Variants in FAM228B observed in about 807,000 individuals in gnomAD.
The protein encoded by FAM228B is protein FAM228B.
In FAM228B, 38 loss-of-function variants were observed where a neutral mutation model predicts 42.6. The observed-to-expected ratio is 0.89, with a 90% CI of 0.69 to 1.17. The LOEUF (loss-of-function observed/expected upper bound fraction) is 1.17. Ranked by LOEUF, FAM228B falls within the 50% of genes most tolerant of loss-of-function variation. FAM228B has a pLI of 0.00. For missense variants in FAM228B, 344 were observed against 367.3 expected (o/e 0.94, Z 0.52); for synonymous variants, 109 against 122.3 (o/e 0.89, Z 0.72).
chr2:24,079,667 C>G (rs775235699), intron 1 of FAM228B: 1 of 1,607,228 alleles, frequency 6.2e-7, no homozygotes, highest in Admixed American at 1.7e-5. Context: ...ATTTGTGATG[C>G]TAGTCAGCTT....
intron 9 of FAM228B, among the ~76,000 whole-genome samples, chr2:24,165,007 A>T (rs946114778): frequency 6.6e-6 from 1 of 152,272 alleles, no homozygotes; most frequent in East Asian, 1.9e-4. Flanking sequence ...CTTCAGACTG[A>T]AATTATTAGA....
At chr2:24,144,948 A>C (rs996131813) in intron 5 of FAM228B, among the ~76,000 whole-genome samples, 2 of 152,016 alleles carry the variant, frequency 1.3e-5, no homozygotes, top group Non-Finnish European at 2.9e-5. Flanking sequence ...ACAGCTGGCA[A>C]CCTCCTGCAC....
chr2:24,124,199 T>G (rs757065447), intron 1 of FAM228B, 131 bp from the exon 2 acceptor site: 2 of 557,330 alleles, frequency 3.6e-6, no homozygotes, highest in Admixed American at 3.4e-5. Flanking sequence ...AGTGAAGGCC[T>G]CTTGTTAGGG....
intron 2 of FAM228B, among the ~76,000 whole-genome samples, chr2:24,126,225 C>T (rs1666306196): frequency 6.6e-6 from 1 of 152,122 alleles, no homozygotes; most frequent in African/African-American, 2.4e-5. Context: ...ATGAATTTAA[C>T]TTTATGAAGC....
rs530991824 is a variant in FAM228B at position 24,077,748 on chromosome 2, A to G, written c.-290+779A>G. ...AATTTGCTCCGTGAAAGCATTCACC[A>G]GCATTTGCTTGTACTAAGACAAGGG... is the stretch of plus-strand genomic sequence containing the variant. On this transcript the variant is annotated intron_variant, in intron 1 of 10. Coordinates refer to the FAM228B transcript ENST00000613899. The surrounding 1 kb of genome is among the most constrained non-coding windows in gnomAD (Gnocchi z 5.5). 1.2e-6 allele frequency: 2 copies of G among 1,613,660 alleles called. No homozygotes were observed. Among genetic ancestry groups the G allele is most frequent in the Non-Finnish European group, 1.7e-6 (2 of 1,179,794 alleles).
intron 7 of FAM228B, among the ~76,000 whole-genome samples, chr2:24,158,441 C>T (rs1282014481): frequency 1.3e-5 from 2 of 151,992 alleles, no homozygotes; most frequent in African/African-American, 2.4e-5. Context: ...AGCTTGTAGC[C>T]ATTTTGCAAA....
At chr2:24,097,512 A>G (rs1290971329) in intron 3 of FAM228B, 10 of 151,986 alleles carry the variant, frequency 6.6e-5, no homozygotes, top group African/African-American at 2.4e-4. Context: ...ACAGACTTTA[A>G]ACCAACAAAG....
upstream of FAM228B, chr2:24,121,111 G>T (rs1666100846): frequency 5.0e-6 from 8 of 1,600,650 alleles, no homozygotes; most frequent in Non-Finnish European, 6.8e-6. Context: ...AAGGAAATTT[G>T]GAGGCAAATT....
chr2:24,129,505 CTG>C (rs764501530), intron 2 of FAM228B, among the ~76,000 whole-genome samples: 1 of 152,094 alleles, frequency 6.6e-6, no homozygotes, highest in East Asian at 1.9e-4. Context: ...CACTATGACT[CTG>C]TTTATTATTT....
intron 2 of FAM228B, chr2:24,082,784 G>A: frequency 7.0e-7 from 1 of 1,424,042 alleles, no homozygotes. Context: ...GGTGATACAG[G>A]AAGGCCTGGG....
At chr2:24,120,921 T>C (rs1271992203), upstream of FAM228B, among the ~76,000 whole-genome samples, 2 of 151,760 alleles carry the variant, frequency 1.3e-5, no homozygotes, top group Non-Finnish European at 2.9e-5. Flanking sequence ...GGTGGGACTG[T>C]ATTGGAAAGA....
rs765086159 is a variant in FAM228B at position 24,143,325 on chromosome 2, C to T, written c.442-3423C>T. 1.7e-3 allele frequency among the ~76,000 whole-genome samples: 245 copies of T among 147,526 alleles called. 1 individual carries two copies. The highest frequency in any genetic ancestry group is 6.0e-3 in the African/African-American group (223 of 37,302). ...CCTCCCGAGTAGCTGGGACTACAGG[C>T]GCCCGCCACCACGCCCGGCTAATTT... is the stretch of plus-strand genomic sequence containing the variant. On this transcript the variant is annotated intron_variant, in intron 5 of 10. Transcript: ENST00000615575.
chr2:24,140,019 AC>A (rs1350542161), intron 5 of FAM228B, among the ~76,000 whole-genome samples: 10 of 152,236 alleles, frequency 6.6e-5, no homozygotes, highest in African/African-American at 2.4e-4. Context: ...GAATTAATTA[AC>A]CTTGCACTGA....
Position 24,169,236 on chromosome 2 carries a change from G to A in FAM228B, c.*15-120G>A, listed in dbSNP as rs143458432. ...ACCCTGCCTGAGAGATGAGTCACTCGGCTCTGGCAGGACAGGCTTCAGGGG... is the reference window on the plus strand; with the variant it reads ...ACCCTGCCTGAGAGATGAGTCACTCAGCTCTGGCAGGACAGGCTTCAGGGG... On this transcript the variant is annotated intron_variant, in intron 10 of 10. Coordinates refer to ENST00000615575, the MANE Select transcript of FAM228B (RefSeq NM_001145710.2). The surrounding 1 kb of genome is among the most constrained non-coding windows in gnomAD (Gnocchi z 4.2). 9 of 339,350 alleles carry A rather than the reference G, an allele frequency of 2.7e-5. No individual in the cohort carries two copies. The highest frequency in any genetic ancestry group is 7.6e-5 in the East Asian group (1 of 13,080). The allele number at this position is 339,350 out of a possible 1,614,324, so 21.0% of individuals were successfully genotyped here.
intron 3 of FAM228B, among the ~76,000 whole-genome samples, chr2:24,107,348 C>T (rs1573740727): frequency 6.6e-6 from 1 of 152,302 alleles, no homozygotes; most frequent in Non-Finnish European, 1.5e-5. Flanking sequence ...CAACACCCCA[C>T]TGACAGTATT....
At chr2:24,079,614 A>G (rs778297071) in intron 1 of FAM228B, 3 of 1,614,164 alleles carry the variant, frequency 1.9e-6, no homozygotes, top group East Asian at 4.5e-5. Context: ...CCGCCTATGC[A>G]GTCTAGAATA....
Position 24,150,112 on chromosome 2 carries a change from AATAAG to A in FAM228B, c.686+3033_686+3037del, listed in dbSNP as rs1249076308. Among the ~76,000 whole-genome samples, 83 of 66,916 alleles carry A rather than the reference AATAAG, an allele frequency of 1.2e-3. 1 individual carries two copies. Among genetic ancestry groups the A allele is most frequent in the Non-Finnish European group, 2.1e-3 (56 of 26,092 alleles). The allele number at this position is 66,916 out of a possible 152,430, so 43.9% of individuals were successfully genotyped here. A position where few individuals can be genotyped will look rare whatever the true frequency, so the allele number is the denominator to read the frequency against. On this transcript the variant is annotated intron_variant, in intron 7 of 10. Transcript: ENST00000615575. ...GGTTCATCATTTAGTCTTTCTATTT[AATAAG>A]ATAAGAGTATTTGCACACCACCATT... is the stretch of plus-strand genomic sequence containing the variant.
intron 2 of FAM228B, chr2:24,087,518 G>T (rs975185699): frequency 6.6e-6 from 1 of 152,204 alleles, no homozygotes; most frequent in Non-Finnish European, 1.5e-5. Context: ...ATGACTTAGG[G>T]TGGGGGCCCT....
At chr2:24,122,441 C>T, upstream of FAM228B, 1 of 1,613,668 alleles carries the variant, frequency 6.2e-7, no homozygotes, top group Non-Finnish European at 8.5e-7. Flanking sequence ...TGATGCTACA[C>T]ACAAGCTCCG....
Sources: allele counts gnomAD v4.1 joint callset (sites outside exome capture counted in the v4.1 genomes callset), GRCh38; gene constraint gnomAD v4.1.1; non-coding constraint Gnocchi (gnomAD v3.1); transcripts MANE v1.5; gene names NCBI Gene and HGNC (gene_info 2026-07-23, HGNC 2026-07-21).